IL21: variants seen among roughly 807,000 people sequenced by gnomAD.
IL21 encodes the protein interleukin 21.
Under a neutral mutation model 18.4 loss-of-function variants are expected in IL21, and 3 were observed. The observed-to-expected ratio is 0.16, with a 90% CI of 0.07 to 0.42. The LOEUF (loss-of-function observed/expected upper bound fraction) is 0.42, where lower values mean the gene tolerates loss of function less well. Ranked by LOEUF, IL21 falls within the 10% of genes least tolerant of loss-of-function variation. The probability of loss-of-function intolerance (pLI) is 0.99; values close to 1 mark genes in which losing one functional copy is unlikely to be tolerated. For synonymous variants in IL21, 37 were observed against 62.0 expected, an observed-to-expected ratio of 0.60 and a Z score of 1.90; for missense variants, 130 against 188.4, an observed-to-expected ratio of 0.69 and a Z score of 1.81.
intron 3 of IL21, 56 bp downstream of exon 3, chr4:122,615,626 T>G: frequency 6.6e-7 from 1 of 1,508,266 alleles, no homozygotes. Context: ...GTTTATGTAA[T>G]GCAAGATATA....
In IL21 at chr4:122,614,643, C is replaced by G. The variant is rs372265594; in HGVS notation, c.360+1039G>C. 1.1e-3 allele frequency among the ~76,000 whole-genome samples: 161 copies of G among 152,088 alleles called. 2 individuals are homozygous for G. The highest frequency in any genetic ancestry group is 3.6e-3 in the African/African-American group (149 of 41,490). On this transcript the variant is annotated intron_variant, in intron 3 of 4. Transcript: ENST00000648588. ...AATTGCTTGAACTGGGAGGTGGAAG[C>G]TGCAGTGAGCCAAGACCTTGCCACT...
chr4:122,611,409 C>T lies in IL21; in HGVS notation c.*1301G>A, dbSNP rs969710029. ...TTGTTTTAAGCACATAATTTTTCTT[C>T]TCAGAGCATAAAGCATTTCTCATCC... On this transcript the variant is annotated 3_prime_UTR_variant, in exon 5 of 5. Transcript: ENST00000648588. 6.6e-6 allele frequency among the ~76,000 whole-genome samples: 1 copy of T among 152,110 alleles called. No homozygotes were observed. The highest frequency in any genetic ancestry group is 6.5e-5 in the Admixed American group (1 of 15,270).
At chr4:122,617,583 C>A (rs1178364838) in intron 2 of IL21, among the ~76,000 whole-genome samples, 1 of 152,194 alleles carries the variant, frequency 6.6e-6, no homozygotes, top group African/African-American at 2.4e-5. Flanking sequence ...AGTACCGGTA[C>A]TCAAAGCACT....
rs17886348 is a variant in IL21 at position 122,612,665 on chromosome 4, C to T, written c.*45G>A. 84,881 of 1,330,264 alleles carry T rather than the reference C, an allele frequency of 0.064. 3,200 individuals carry two copies. The highest frequency in any genetic ancestry group is 0.075 in the Non-Finnish European group (68,977 of 924,676). 82.4% of individuals were successfully genotyped at this position (1,330,264 alleles called of 1,614,324 possible). On this transcript the variant is annotated 3_prime_UTR_variant, in exon 5 of 5. Transcript: ENST00000648588. ...GAATACAAAGAAATGACTTTCACTA[C>T]TATATTAGAGTATGTAACATAGTGT...
In IL21 at chr4:122,612,897, T is replaced by C; in HGVS notation, c.392A>G (p.Lys131Arg). 1 of 1,611,398 alleles carries C rather than the reference T, an allele frequency of 6.2e-7. No homozygotes were observed. Among genetic ancestry groups the C allele is most frequent in the South Asian group, 1.1e-5 (1 of 90,858 alleles). ...TCPSCDSYEK[K>R]PPKEFLERFK... is the part of the protein sequence containing the mutation. The stretch of plus-strand genomic sequence containing the variant: ...TCTTTCTAGGAATTCTTTGGGTGGT[T>C]TTTTCTCATAAGAATCACATGAAGG... Residue 131 changes from lysine (K) to arginine (R), a missense_variant, in exon 4 of 5, where the codon AAA becomes AGA. By Grantham distance (26) the Lys-to-Arg change is conservative. Coordinates refer to ENST00000648588, the MANE Select transcript of IL21 (RefSeq NM_021803.4).
intron 2 of IL21, chr4:122,620,130 C>A (rs1578439246): frequency 6.6e-6 from 1 of 152,272 alleles, no homozygotes; most frequent in Non-Finnish European, 1.5e-5. Context: ...CAAAAGACCT[C>A]ACGGAAGGCC....
intron 2 of IL21, chr4:122,618,926 A>G: frequency 6.6e-6 from 1 of 151,452 alleles, no homozygotes. Flanking sequence ...CTTTGTTGTC[A>G]GGGCTGTCTT....
In IL21 at chr4:122,612,491, A is replaced by C. The variant is rs1799275296; in HGVS notation, c.*219T>G. The C allele has an allele frequency of 2.2e-6, 1 of 446,146 alleles. No homozygotes were observed. The highest frequency in any genetic ancestry group is 4.0e-6 in the Non-Finnish European group (1 of 253,160). 27.6% of individuals were successfully genotyped at this position (446,146 alleles called of 1,614,324 possible). A position where few individuals can be genotyped will look rare whatever the true frequency, so the allele number is the denominator to read the frequency against. On this transcript the variant is annotated 3_prime_UTR_variant, in exon 5 of 5. Transcript: ENST00000648588. ...CAACCAAGAAATGTCAAAGTTGGGC[A>C]GTGAGATAAAGTAAAAACTTCAGAA... is the stretch of plus-strand genomic sequence containing the variant.
chr4:122,612,642 A>T lies in IL21; in HGVS notation c.*68T>A. 1 of 1,155,388 alleles carries T rather than the reference A, an allele frequency of 8.7e-7. No individual in the cohort carries two copies. Among genetic ancestry groups the T allele is most frequent in the Non-Finnish European group, 1.3e-6 (1 of 769,096 alleles). 71.6% of individuals were successfully genotyped at this position (1,155,388 alleles called of 1,614,324 possible). On this transcript the variant is annotated 3_prime_UTR_variant, in exon 5 of 5. Coordinates refer to ENST00000648588, the MANE Select transcript of IL21 (RefSeq NM_021803.4). ...AATATATTGTACTCCTCCACTTGGAATACAAAGAAATGACTTTCACTACTA... is the reference window on the plus strand; with the variant it reads ...AATATATTGTACTCCTCCACTTGGATTACAAAGAAATGACTTTCACTACTA...
intron 3 of IL21, among the ~76,000 whole-genome samples, chr4:122,614,905 A>G (rs975194631): frequency 3.0e-4 from 46 of 151,986 alleles, no homozygotes; most frequent in Non-Finnish European, 1.5e-4. Flanking sequence ...TTCAATACTG[A>G]CTCTGCTGAT....
chr4:122,619,383 G>C (rs1799390543), intron 2 of IL21: 1 of 152,252 alleles, frequency 6.6e-6, no homozygotes, highest in African/African-American at 2.4e-5. Flanking sequence ...TTATCAGATA[G>C]ATACAGTATC....
intron 2 of IL21, among the ~76,000 whole-genome samples, chr4:122,618,012 G>A (rs1395867846): frequency 2.6e-5 from 4 of 152,186 alleles, no homozygotes; most frequent in African/African-American, 9.7e-5. Flanking sequence ...CTGGAAGCAT[G>A]AACATTGCTT....
intron 2 of IL21, chr4:122,619,586 C>A (rs2055979): frequency 0.24 from 35,984 of 152,144 alleles, 5,221 homozygotes; most frequent in Middle Eastern, 0.49. Flanking sequence ...AAACAAGGTG[C>A]ATGAGATGCT....
intron 2 of IL21, among the ~76,000 whole-genome samples, chr4:122,620,417 C>T (rs935777363): frequency 1.3e-5 from 2 of 152,080 alleles, no homozygotes; most frequent in Non-Finnish European, 2.9e-5. Flanking sequence ...GTATAGATTT[C>T]GTTTCTAGTT....
chr4:122,617,055 C>T (rs1026692110), intron 2 of IL21, among the ~76,000 whole-genome samples: 4 of 152,114 alleles, frequency 2.6e-5, no homozygotes, highest in African/African-American at 9.7e-5. Context: ...TATGCTTACC[C>T]AATATGAATG....
At position 122,611,708 on chromosome 4, in the gene IL21, T is replaced by G. The variant is rs2150684344; in HGVS notation, c.*1002A>C. 6.6e-6 allele frequency among the ~76,000 whole-genome samples: 1 copy of G among 152,270 alleles called. No homozygotes were observed. The highest frequency in any genetic ancestry group is 2.1e-4 in the South Asian group (1 of 4,828). ...CTGATTTTTAAATTATATAGGTGAT[T>G]GAATTTGTCTTATCCAAAGTATAGT... On this transcript the variant is annotated 3_prime_UTR_variant, in exon 5 of 5. Coordinates refer to ENST00000648588, the MANE Select transcript of IL21 (RefSeq NM_021803.4).
At chr4:122,617,314 T>C (rs1357309965) in intron 2 of IL21, among the ~76,000 whole-genome samples, 1 of 152,220 alleles carries the variant, frequency 6.6e-6, no homozygotes, top group Non-Finnish European at 1.5e-5. Flanking sequence ...TTTTTTCTTT[T>C]CTCTTCTTTT....
Position 122,612,751 on chromosome 4 carries a change from G to C in IL21, c.448C>G (p.Gln150Glu). ...FKSLLQKMIHQHLSSRTHGSE... is the reference protein window; with the variant it reads ...FKSLLQKMIHEHLSSRTHGSE... ...CCGTGTGTTCTAGAGGACAGATGCT[G>C]ATGAATCATCTGTGGAAATAGTATA... is the stretch of plus-strand genomic sequence containing the variant. The change falls in exon 5 of 5, where the codon CAG becomes GAG. Residue 150 changes from glutamine (Q) to glutamate (E), a missense_variant. Transcript: ENST00000648588. 6.2e-7 allele frequency: 1 copy of C among 1,613,396 alleles called. No homozygotes were observed. The highest frequency in any genetic ancestry group is 1.3e-5 in the African/African-American group (1 of 75,024).
At chr4:122,614,445 A>G (rs1799309138) in intron 3 of IL21, among the ~76,000 whole-genome samples, 1 of 141,916 alleles carries the variant, frequency 7.0e-6, no homozygotes, top group Admixed American at 6.9e-5. Flanking sequence ...GATGGCTAAC[A>G]CCTGTAATCC....
Sources: gnomAD v4.1 joint callset for allele counts (sites outside exome capture counted in the v4.1 genomes callset) on GRCh38, gnomAD v4.1.1 for gene constraint, MANE v1.5 for transcripts, NCBI Gene and HGNC (gene_info 2026-07-23, HGNC 2026-07-21) for gene names.